The following ADAMTSL1 variants were observed in gnomAD, a reference collection of about 807,000 sequenced individuals.
The protein encoded by ADAMTSL1 is ADAMTS like 1, also known as ADAMTS-like protein 1.
ADAMTSL1 carries 126 observed loss-of-function variants against 201.8 expected under a neutral mutation model. The ratio of observed to expected loss-of-function variants is 0.62; its 90% CI spans 0.54 to 0.72. The LOEUF (loss-of-function observed/expected upper bound fraction) is 0.72. Ranked by LOEUF, ADAMTSL1 falls within the 30% of genes least tolerant of loss-of-function variation. ADAMTSL1 has a pLI of 0.00. For missense variants in ADAMTSL1, 2,679 were observed against 2,277.8 expected (o/e 1.18, Z -3.59); for synonymous variants, 1,121 against 903.4 (o/e 1.24, Z -4.32).
intron 15 of ADAMTSL1, among the ~76,000 whole-genome samples, chr9:18,722,428 C>G (rs1047856881): frequency 1.3e-5 from 2 of 152,112 alleles, no homozygotes; most frequent in Non-Finnish European, 2.9e-5. Flanking sequence ...GGGTCAGATC[C>G]TAGATAAAAG....
chr9:18,757,041 T>C (rs76455859), intron 16 of ADAMTSL1, among the ~76,000 whole-genome samples: 4 of 121,498 alleles, frequency 3.3e-5, no homozygotes, highest in Non-Finnish European at 5.4e-5. Context: ...GTTTTAGAAA[T>C]TAAGCAGAAA....
intron 1 of ADAMTSL1, among the ~76,000 whole-genome samples, chr9:18,157,746 A>G (rs111554289): frequency 0.019 from 2,908 of 152,140 alleles, 95 homozygotes; most frequent in African/African-American, 0.067. Context: ...ATAAATGTCA[A>G]TGGGTTAAAT....
chr9:18,210,191 C>A (rs1412225891), intron 2 of ADAMTSL1, among the ~76,000 whole-genome samples: 1 of 151,462 alleles, frequency 6.6e-6, no homozygotes, highest in Non-Finnish European at 1.5e-5. Context: ...GCTAATACTC[C>A]ATTTTCTTTC....
At chr9:18,025,077 G>C (rs1820637170) in intron 1 of ADAMTSL1, among the ~76,000 whole-genome samples, 1 of 151,882 alleles carries the variant, frequency 6.6e-6, no homozygotes, top group South Asian at 2.1e-4. Flanking sequence ...TTTAAGAAGT[G>C]TTGTTCATTT....
chr9:18,767,461 A>C (rs1447134939), intron 16 of ADAMTSL1, among the ~76,000 whole-genome samples: 1 of 152,214 alleles, frequency 6.6e-6, no homozygotes, highest in Non-Finnish European at 1.5e-5. Context: ...AACTGATCTG[A>C]TTATAGTATA....
intron 1 of ADAMTSL1, among the ~76,000 whole-genome samples, chr9:18,101,225 C>T (rs766316633): frequency 2.6e-5 from 4 of 152,090 alleles, no homozygotes; most frequent in East Asian, 1.9e-4. Context: ...AGGCTGGACA[C>T]GGTGGCTCAC....
At chr9:17,958,221 A>T (rs1221362117) in intron 1 of ADAMTSL1, among the ~76,000 whole-genome samples, 1 of 152,166 alleles carries the variant, frequency 6.6e-6, no homozygotes, top group African/African-American at 2.4e-5. Context: ...ACCCTTTCAC[A>T]TAAAACCTCC....
chr9:18,435,978 C>T (rs9406749), intron 2 of ADAMTSL1, among the ~76,000 whole-genome samples: 62,287 of 151,982 alleles, frequency 0.41, 13,394 homozygotes, highest in Non-Finnish European at 0.46. Context: ...CCATATCATG[C>T]AGTTAGAAAA....
intron 23 of ADAMTSL1, among the ~76,000 whole-genome samples, chr9:18,862,457 G>A (rs537159124): frequency 1.3e-5 from 2 of 152,278 alleles, no homozygotes; most frequent in African/African-American, 4.8e-5. Context: ...CATAGAGTCC[G>A]CAGGTTTTCC....
chr9:18,221,340 C>G (rs538790608), intron 2 of ADAMTSL1, among the ~76,000 whole-genome samples: 16 of 152,216 alleles, frequency 1.1e-4, no homozygotes, highest in African/African-American at 3.9e-4. Flanking sequence ...TTATAATTTT[C>G]TTTAATTCTG....
intron 14 of ADAMTSL1, among the ~76,000 whole-genome samples, chr9:18,712,734 A>G (rs541579483): frequency 4.6e-4 from 70 of 152,146 alleles, no homozygotes; most frequent in Non-Finnish European, 6.3e-4. Flanking sequence ...ATTCAGATTC[A>G]GGAAATACAG....
At chr9:18,351,998 G>A (rs928406270) in intron 2 of ADAMTSL1, among the ~76,000 whole-genome samples, 1 of 152,116 alleles carries the variant, frequency 6.6e-6, no homozygotes, top group Non-Finnish European at 1.5e-5. Context: ...TTCTTTTAGA[G>A]TCATGAGAAA....
intron 2 of ADAMTSL1, among the ~76,000 whole-genome samples, chr9:18,231,673 T>C (rs554880635): frequency 1.2e-4 from 19 of 152,212 alleles, no homozygotes; most frequent in Non-Finnish European, 2.5e-4. Flanking sequence ...TACCCAGACT[T>C]GAATATCCAA....
intron 23 of ADAMTSL1, among the ~76,000 whole-genome samples, chr9:18,884,230 C>G (rs964380693): frequency 2.0e-5 from 3 of 152,158 alleles, no homozygotes; most frequent in African/African-American, 4.8e-5. Context: ...AATGTCTGCT[C>G]AAGTCCTTTG....
chr9:18,630,963 G>A (rs149766579), intron 5 of ADAMTSL1, among the ~76,000 whole-genome samples: 228 of 152,166 alleles, frequency 1.5e-3, no homozygotes, highest in African/African-American at 4.6e-3. Context: ...TCTCCCAAGC[G>A]GCTGACACTC....
At chr9:18,363,928 AG>A (rs1836643921) in intron 2 of ADAMTSL1, among the ~76,000 whole-genome samples, 1 of 67,204 alleles carries the variant, frequency 1.5e-5, no homozygotes, top group East Asian at 4.5e-4. Context: ...CTAGAAATAG[AG>A]GAAGGAACAT....
rs201022385 is a variant in ADAMTSL1, at chr9:18,517,519, G to T, written c.191+12563G>T. 1.7e-4 allele frequency among the ~76,000 whole-genome samples: 25 copies of T among 150,768 alleles called. 1 individual carries two copies. The highest frequency in any genetic ancestry group is 6.6e-5 in the Admixed American group (1 of 15,112). On this transcript the variant is annotated intron_variant, in intron 2 of 28. Coordinates refer to ENST00000380548, the MANE Select transcript of ADAMTSL1 (RefSeq NM_001040272.6). The stretch of plus-strand genomic sequence containing the variant: ...TGCCATGCTGGTGCGCTGCACCCAC[G>T]AACTCGTCATCTAGCATTAGGTGTA...
intron 1 of ADAMTSL1, among the ~76,000 whole-genome samples, chr9:18,013,816 G>C (rs1285782956): frequency 6.6e-6 from 1 of 151,970 alleles, no homozygotes; most frequent in Non-Finnish European, 1.5e-5. Flanking sequence ...TCTAGGGGGG[G>C]AGCTTCTCAT....
intron 15 of ADAMTSL1, chr9:18,723,424 G>A (rs759655638): frequency 1.2e-5 from 4 of 347,760 alleles, no homozygotes; most frequent in South Asian, 9.2e-5. Flanking sequence ...GCTGGGACTC[G>A]TGGTCCCTAA....
Sources: gnomAD v4.1 joint callset for allele counts (sites outside exome capture counted in the v4.1 genomes callset) on GRCh38, gnomAD v4.1.1 for gene constraint, MANE v1.5 for transcripts, NCBI Gene and HGNC (gene_info 2026-07-23, HGNC 2026-07-21) for gene names.